LHFPL3: variants seen among roughly 807,000 people sequenced by gnomAD.
LHFPL3 encodes the protein LHFPL tetraspan subfamily member 3 protein.
A neutral mutation model predicts 19.3 loss-of-function variants in LHFPL3; 5 were observed. The observed-to-expected ratio is 0.26, with a 90% CI of 0.14 to 0.54. LHFPL3 has a LOEUF of 0.54. Ranked by LOEUF, LHFPL3 falls within the 20% of genes least tolerant of loss-of-function variation. The pLI, the probability that LHFPL3 is intolerant of heterozygous loss-of-function variation, is 0.94. For synonymous variants in LHFPL3, 133 were observed against 126.2 expected (o/e 1.05, Z -0.36); for missense variants, 249 against 307.4 (o/e 0.81, Z 1.42).
intron 1 of LHFPL3, among the ~76,000 whole-genome samples, chr7:104,679,134 A>T (rs796590988): frequency 5.2e-4 from 79 of 152,350 alleles, no homozygotes; most frequent in African/African-American, 1.9e-3. Context: ...GATTGCAGTC[A>T]AGCTGCTGGC....
chr7:104,671,837 A>T (rs1792488811), intron 1 of LHFPL3, among the ~76,000 whole-genome samples: 1 of 152,140 alleles, frequency 6.6e-6, no homozygotes, highest in African/African-American at 2.4e-5. Context: ...GCAAGGTATT[A>T]CTCTACCCAT....
chr7:104,744,901 C>T (rs1022886520), intron 2 of LHFPL3, among the ~76,000 whole-genome samples: 2 of 152,196 alleles, frequency 1.3e-5, no homozygotes, highest in African/African-American at 4.8e-5. Flanking sequence ...TCTAGCTACA[C>T]ACACTTCCTT....
chr7:104,660,156 C>T (rs1048023829), intron 1 of LHFPL3, among the ~76,000 whole-genome samples: 14 of 152,192 alleles, frequency 9.2e-5, no homozygotes, highest in Admixed American at 5.9e-4. Flanking sequence ...TGCGTGCCAC[C>T]ACACCTGGCT....
intron 2 of LHFPL3, among the ~76,000 whole-genome samples, chr7:104,884,894 T>A (rs1315332193): frequency 2.6e-5 from 4 of 151,876 alleles, no homozygotes; most frequent in Non-Finnish European, 5.9e-5. Context: ...AGGACACCAA[T>A]TGGTGGAGAG....
chr7:104,455,016 G>A (rs181237008), intron 1 of LHFPL3, among the ~76,000 whole-genome samples: 9 of 152,186 alleles, frequency 5.9e-5, no homozygotes, highest in East Asian at 3.9e-4. Context: ...TCAATGAGCC[G>A]GCCTCCTTAT....
At chr7:104,633,117 G>T (rs575254425) in intron 1 of LHFPL3, among the ~76,000 whole-genome samples, 5 of 152,260 alleles carry the variant, frequency 3.3e-5, no homozygotes, top group African/African-American at 1.2e-4. Context: ...ACAACTTCTA[G>T]TTCTATAAGA....
At chr7:104,702,920 C>T (rs953027208) in intron 1 of LHFPL3, among the ~76,000 whole-genome samples, 3 of 152,188 alleles carry the variant, frequency 2.0e-5, no homozygotes, top group African/African-American at 7.2e-5. Flanking sequence ...CCTGGAAGGT[C>T]CCAGCTGTCA....
intron 1 of LHFPL3, among the ~76,000 whole-genome samples, chr7:104,335,113 A>G (rs960379782): frequency 1.3e-5 from 2 of 152,132 alleles, no homozygotes; most frequent in Non-Finnish European, 2.9e-5. Context: ...TGAAGAGGGG[A>G]CAGAACTGGG....
intron 1 of LHFPL3, among the ~76,000 whole-genome samples, chr7:104,523,732 G>T (rs1794127489): frequency 6.6e-6 from 1 of 152,206 alleles, no homozygotes; most frequent in African/African-American, 2.4e-5. Flanking sequence ...GTGAATAACT[G>T]CAACAGTAAC....
intron 1 of LHFPL3, among the ~76,000 whole-genome samples, chr7:104,543,900 AAATATAAT>A (rs946677732): frequency 6.9e-6 from 1 of 144,004 alleles, no homozygotes; most frequent in African/African-American, 2.7e-5. Context: ...ATGTACCCCA[AAATATAAT>A]AATAATAATA....
intron 2 of LHFPL3, among the ~76,000 whole-genome samples, chr7:104,739,918 G>A (rs533243373): frequency 6.6e-6 from 1 of 152,182 alleles, no homozygotes; most frequent in African/African-American, 2.4e-5. Flanking sequence ...GATATGGTCT[G>A]GCTCTCTTTC....
chr7:104,341,862 G>T (rs145845774), intron 1 of LHFPL3, among the ~76,000 whole-genome samples: 1 of 151,576 alleles, frequency 6.6e-6, no homozygotes, highest in African/African-American at 2.4e-5. Context: ...TCTAGAGGAC[G>T]GAGGGTGGAG....
intron 1 of LHFPL3, among the ~76,000 whole-genome samples, chr7:104,445,989 G>A (rs551699338): frequency 3.9e-5 from 6 of 152,106 alleles, no homozygotes; most frequent in Non-Finnish European, 7.4e-5. Flanking sequence ...GTTACAAGAC[G>A]TTGTTCTTAT....
At chr7:104,589,008 T>G (rs1416140899) in intron 1 of LHFPL3, among the ~76,000 whole-genome samples, 1 of 152,228 alleles carries the variant, frequency 6.6e-6, no homozygotes, top group Non-Finnish European at 1.5e-5. Flanking sequence ...AAGAAGATTT[T>G]GGGCTGAGAT....
chr7:104,623,513 C>T (rs763761343), intron 1 of LHFPL3, among the ~76,000 whole-genome samples: 3 of 116,210 alleles, frequency 2.6e-5, no homozygotes, highest in Admixed American at 1.7e-4. Flanking sequence ...GCCTGTAGTC[C>T]CAGCTACTTG....
intron 1 of LHFPL3, among the ~76,000 whole-genome samples, chr7:104,456,794 G>T (rs1367588882): frequency 6.6e-6 from 1 of 152,150 alleles, no homozygotes; most frequent in Non-Finnish European, 1.5e-5. Context: ...GTGACTAATG[G>T]GTGGGGAGCA....
chr7:104,698,656 A>T (rs1186122048), intron 1 of LHFPL3, among the ~76,000 whole-genome samples: 2 of 152,248 alleles, frequency 1.3e-5, no homozygotes, highest in East Asian at 3.8e-4. Flanking sequence ...AAAACTTGGA[A>T]GAAACCAAGG....
intron 1 of LHFPL3, among the ~76,000 whole-genome samples, chr7:104,473,448 CTTA>C (rs1792949822): frequency 6.6e-6 from 1 of 152,170 alleles, no homozygotes; most frequent in Non-Finnish European, 1.5e-5. Context: ...TTAATTATGC[CTTA>C]TTATTATAAT....
At chr7:104,874,429 C>T (rs1791896585) in intron 2 of LHFPL3, among the ~76,000 whole-genome samples, 1 of 135,994 alleles carries the variant, frequency 7.4e-6, no homozygotes, top group African/African-American at 2.8e-5. Context: ...GAGTCTCGTT[C>T]TGTCACCCAG....
Sources: allele counts gnomAD v4.1 joint callset (sites outside exome capture counted in the v4.1 genomes callset), GRCh38; gene constraint gnomAD v4.1.1; transcripts MANE v1.5; gene names NCBI Gene and HGNC (gene_info 2026-07-23, HGNC 2026-07-21).